SMARCA2: variants seen among roughly 807,000 people sequenced by gnomAD.
The protein encoded by SMARCA2 is SWI/SNF-related matrix-associated actin-dependent regulator of chromatin subfamily A member 2.
A neutral mutation model predicts 199.8 loss-of-function variants in SMARCA2; 61 were observed. The observed-to-expected ratio is 0.31, with a 90% CI of 0.25 to 0.38. The LOEUF is 0.38. Ranked by LOEUF, SMARCA2 falls within the 10% of genes least tolerant of loss-of-function variation. SMARCA2 has a pLI of 1.00. For missense variants in SMARCA2, 1,344 were observed against 2,012.2 expected (o/e 0.67, Z 6.35); for synonymous variants, 935 against 732.0 (o/e 1.28, Z -4.48).
At chr9:2,060,506 A>C (rs1820541352) in intron 8 of SMARCA2, among the ~76,000 whole-genome samples, 1 of 152,264 alleles carries the variant, frequency 6.6e-6, no homozygotes, top group Admixed American at 6.5e-5. Flanking sequence ...AAATTCTAAA[A>C]TCTTTTTGTA....
intron 28 of SMARCA2, among the ~76,000 whole-genome samples, chr9:2,167,498 A>G (rs3793508): frequency 0.23 from 34,620 of 152,140 alleles, 4,081 homozygotes; most frequent in African/African-American, 0.3. Context: ...TGGAGGAGGC[A>G]GGAGATACCT....
rs754961574 is a variant in SMARCA2, at chr9:2,186,234, C to T, written c.4594+6C>T. 1.2e-6 allele frequency: 2 copies of T among 1,612,110 alleles called. No homozygotes were observed. Among genetic ancestry groups the T allele is most frequent in the Non-Finnish European group, 1.7e-6 (2 of 1,178,752 alleles). On this transcript the variant is annotated splice_donor_region_variant and intron_variant, in intron 32 of 33. Coordinates refer to ENST00000349721, the MANE Select transcript of SMARCA2 (RefSeq NM_003070.5). ...AGAAGAGTCAGAGTCCGAGGGTAAG[C>T]CCAGACATTCGGGTCCTGTACATCT...
chr9:2,165,399 TG>T (rs1825886667), intron 28 of SMARCA2, among the ~76,000 whole-genome samples: 1 of 152,214 alleles, frequency 6.6e-6, no homozygotes, highest in South Asian at 2.1e-4. Context: ...TGATAGGACT[TG>T]TTTTTTAAAA....
At chr9:2,180,492 T>G (rs779486335) in intron 29 of SMARCA2, among the ~76,000 whole-genome samples, 20 of 152,234 alleles carry the variant, frequency 1.3e-4, no homozygotes, top group South Asian at 4.1e-4. Flanking sequence ...CCTTCTAGTA[T>G]TCTCACAAGC....
At chr9:2,163,667 C>T (rs1825799498) in intron 28 of SMARCA2, among the ~76,000 whole-genome samples, 1 of 152,146 alleles carries the variant, frequency 6.6e-6, no homozygotes, top group Non-Finnish European at 1.5e-5. Flanking sequence ...AGTGTAACGT[C>T]TGTTTCTCTG....
chr9:2,048,256 A>G (rs1656520347), intron 5 of SMARCA2, among the ~76,000 whole-genome samples: 1 of 152,198 alleles, frequency 6.6e-6, no homozygotes, highest in African/African-American at 2.4e-5. Flanking sequence ...TCCGGCAAGT[A>G]TTAAGTCAAG....
At chr9:2,152,771 G>A (rs957615205) in intron 27 of SMARCA2, among the ~76,000 whole-genome samples, 2 of 151,712 alleles carry the variant, frequency 1.3e-5, no homozygotes, top group African/African-American at 2.4e-5. Flanking sequence ...AGAATCACTT[G>A]AACCTGGGAG....
chr9:2,192,726 C>A lies in SMARCA2; in HGVS notation c.4760C>A (p.Thr1587Lys), dbSNP rs753433101. 6.2e-7 allele frequency: 1 copy of A among 1,608,780 alleles called. No homozygotes were observed. The stretch of plus-strand genomic sequence containing the variant: ...TAGGAACAGTCAGAAGGAAGTGGGA[C>A]GGATGATGAGTGATCAGTATGGACC... ...DEREQSEGSG[T>K]DDE Residue 1587 changes from threonine to lysine, a missense_variant, in exon 34 of 34, where the codon ACG becomes AAG. Coordinates refer to ENST00000349721, the MANE Select transcript of SMARCA2 (RefSeq NM_003070.5).
rs1821583841 is a variant in SMARCA2 at position 2,081,978 on chromosome 9, C to A, written c.2331C>A (p.Leu777=). The A allele has an allele frequency of 1.2e-6, 2 of 1,613,422 alleles. No individual in the cohort carries two copies. The highest frequency in any genetic ancestry group is 1.7e-6 in the Non-Finnish European group (2 of 1,179,690). ...MEHKRLNGPY[L]IIVPLSTLSN... is the part of the protein sequence containing the mutation. ...ACAAAAGACTCAATGGCCCCTATCT[C>A]ATCATTGTTCCCCTTTCGTAAGTAA... Residue 777 remains leucine, a synonymous_variant, in exon 15 of 34, where the codon CTC becomes CTA. Transcript: ENST00000349721.
chr9:2,160,793 T>C (rs900908840), intron 27 of SMARCA2: 4 of 412,828 alleles, frequency 9.7e-6, no homozygotes, highest in African/African-American at 8.2e-5. Flanking sequence ...ATTTCTTTTC[T>C]ATGTTCAAAT....
At chr9:2,106,661 C>G (rs570674192) in intron 23 of SMARCA2, among the ~76,000 whole-genome samples, 2 of 152,048 alleles carry the variant, frequency 1.3e-5, no homozygotes, top group Non-Finnish European at 2.9e-5. Context: ...AATTTGATGT[C>G]TCAGATTTTG....
intron 29 of SMARCA2, 154 bp from the exon 30 acceptor site, chr9:2,181,417 A>G: frequency 1.7e-6 from 1 of 592,264 alleles, no homozygotes; most frequent in East Asian, 3.1e-5. Flanking sequence ...ATCAATCTCC[A>G]ATAGAGTTGT....
At chr9:2,130,374 G>A (rs1431981633) in intron 27 of SMARCA2, among the ~76,000 whole-genome samples, 1 of 152,154 alleles carries the variant, frequency 6.6e-6, no homozygotes, top group Non-Finnish European at 1.5e-5. Context: ...TGGTTAAGGC[G>A]ATAGATGAGA....
Position 2,033,002 on chromosome 9 carries a change from A to G in SMARCA2, c.276A>G (p.Gly92=). The change falls in exon 3 of 34, where the codon GGA becomes GGG. Residue 92 remains glycine (G), a synonymous_variant. Transcript: ENST00000349721. ...DKGIVEDIHC[G]SMKGTGMRPP... ...GGATTGTAGAAGACATCCATTGTGG[A>G]TCCATGAAGGGCACTGGTATGCGAC... is the stretch of plus-strand genomic sequence containing the variant. The G allele has an allele frequency of 1.9e-6, 3 of 1,614,034 alleles. No individual in the cohort carries two copies. The highest frequency in any genetic ancestry group is 2.5e-6 in the Non-Finnish European group (3 of 1,179,874).
chr9:2,118,004 A>G (rs1490575919), intron 25 of SMARCA2, among the ~76,000 whole-genome samples: 1 of 152,200 alleles, frequency 6.6e-6, no homozygotes, highest in Non-Finnish European at 1.5e-5. Flanking sequence ...AGGAAGATGC[A>G]TTGTGCACTT....
intron 27 of SMARCA2, among the ~76,000 whole-genome samples, chr9:2,133,189 A>G (rs10757205): frequency 0.11 from 16,329 of 152,256 alleles, 1,432 homozygotes; most frequent in East Asian, 0.43. Context: ...TAATGGAGCA[A>G]ACTATTACAG....
At chr9:2,158,257 C>G (rs998858865) in intron 27 of SMARCA2, 2 of 164,342 alleles carry the variant, frequency 1.2e-5, no homozygotes, top group African/African-American at 4.9e-5. Flanking sequence ...ATATGCTTAA[C>G]TGTTTTAACT....
At chr9:2,025,831 G>A (rs1818805650) in intron 1 of SMARCA2, among the ~76,000 whole-genome samples, 1 of 152,140 alleles carries the variant, frequency 6.6e-6, no homozygotes, top group Non-Finnish European at 1.5e-5. Flanking sequence ...AGAATAAGAG[G>A]CCAGGATTAT....
intron 5 of SMARCA2, among the ~76,000 whole-genome samples, chr9:2,054,111 G>T (rs997199530): frequency 5.3e-5 from 8 of 152,186 alleles, no homozygotes; most frequent in African/African-American, 1.9e-4. Flanking sequence ...AACTGTTCTT[G>T]CTCACTGCGC....
Sources: gnomAD v4.1 joint callset for allele counts (sites outside exome capture counted in the v4.1 genomes callset) on GRCh38, gnomAD v4.1.1 for gene constraint, MANE v1.5 for transcripts, NCBI Gene and HGNC (gene_info 2026-07-23, HGNC 2026-07-21) for gene names.